The following RNPEP variants were observed in gnomAD, a reference collection of about 807,000 sequenced individuals.
RNPEP encodes arginyl aminopeptidase, also known as aminopeptidase B.
In RNPEP, 57 loss-of-function variants were observed where a neutral mutation model predicts 70.1. The ratio of observed to expected loss-of-function variants is 0.81; its 90% CI spans 0.66 to 1.01. The LOEUF is 1.01. Among genes scored for constraint, RNPEP ranks in the 50% least tolerant of loss-of-function variants. The pLI is 0.00. For missense variants in RNPEP, 787 were observed against 852.4 expected (o/e 0.92, Z 0.96); for synonymous variants, 335 against 357.4 (o/e 0.94, Z 0.71).
chr1:202,004,599 C>T, intron 10 of RNPEP, 103 bp downstream of exon 10: 1 of 1,415,410 alleles, frequency 7.1e-7, no homozygotes, highest in Non-Finnish European at 9.6e-7. Flanking sequence ...TCATCTGAGG[C>T]ACAGAGGGAG....
At chr1:202,005,500 G>C (rs1684020581) in intron 10 of RNPEP, 58 bp from the exon 11 acceptor site, 1 of 1,594,832 alleles carries the variant, frequency 6.3e-7, no homozygotes, top group African/African-American at 1.3e-5. Context: ...GGGGGCAGCA[G>C]GGCTGGACAG....
At chr1:201,985,679 A>C (rs6665072) in intron 1 of RNPEP, among the ~76,000 whole-genome samples, 106,898 of 152,080 alleles carry the variant, frequency 0.7, 37,967 homozygotes, top group Non-Finnish European at 0.75. Flanking sequence ...TTACAATTAA[A>C]CAATGCTGAT....
chr1:202,005,785 T>C lies in RNPEP; in HGVS notation c.*69T>C. ...TTCAGAATAATTGTTTGTTCCCAAA[T>C]TCCTGTTCCCTGATCAACTTCCTGG... On this transcript the variant is annotated 3_prime_UTR_variant, in exon 11 of 11. Coordinates refer to ENST00000295640, the MANE Select transcript of RNPEP (RefSeq NM_020216.4). The C allele has an allele frequency of 6.4e-7, 1 of 1,563,304 alleles. No homozygotes were observed. The highest frequency in any genetic ancestry group is 8.8e-7 in the Non-Finnish European group (1 of 1,137,436).
At chr1:201,990,927 G>A (rs1475196849) in intron 3 of RNPEP, among the ~76,000 whole-genome samples, 1 of 152,144 alleles carries the variant, frequency 6.6e-6, no homozygotes, top group African/African-American at 2.4e-5. Context: ...TGGGAAATGA[G>A]AGAACAATAG....
chr1:201,997,951 C>T (rs1055154130), intron 5 of RNPEP, among the ~76,000 whole-genome samples: 1 of 151,910 alleles, frequency 6.6e-6, no homozygotes, highest in African/African-American at 2.4e-5. Flanking sequence ...TTAGAAGAGA[C>T]GAGGTTTCTC....
intron 4 of RNPEP, chr1:201,996,508 T>TG (rs1571636222): frequency 1.7e-4 from 64 of 369,092 alleles, no homozygotes; most frequent in Middle Eastern, 8.2e-4. Context: ...TGTGTGTGTG[T>TG]TTTGAGATGG....
intron 9 of RNPEP, among the ~76,000 whole-genome samples, chr1:202,003,873 CAG>C (rs1030114579): frequency 3.3e-5 from 5 of 152,170 alleles, no homozygotes; most frequent in African/African-American, 1.2e-4. Context: ...GAGGTACAAA[CAG>C]TTCGCACAGA....
Position 202,001,656 on chromosome 1 carries a change from C to T in RNPEP, c.1318-3C>T, listed in dbSNP as rs773320585. 34 of 1,608,834 alleles carry T rather than the reference C, an allele frequency of 2.1e-5. No individual in the cohort carries two copies. The highest frequency in any genetic ancestry group is 1.6e-4 in the Middle Eastern group (1 of 6,074). On this transcript the variant is annotated splice_region_variant and splice_polypyrimidine_tract_variant and intron_variant, in intron 7 of 10. Coordinates refer to ENST00000295640, the MANE Select transcript of RNPEP (RefSeq NM_020216.4). Reference sequence around the variant, plus strand: ...GGGTCTAAAGAGCTTTCCCTCCTCACAGGCCTATGTGCATGAATTCAAATT... The same window carrying T: ...GGGTCTAAAGAGCTTTCCCTCCTCATAGGCCTATGTGCATGAATTCAAATT...
chr1:202,002,161 TTTTC>T (rs1683847962), intron 8 of RNPEP, among the ~76,000 whole-genome samples: 1 of 138,530 alleles, frequency 7.2e-6, no homozygotes, highest in Admixed American at 7.2e-5. Flanking sequence ...CTTTCTTTTC[TTTTC>T]TTTTTTTTTT....
intron 9 of RNPEP, among the ~76,000 whole-genome samples, chr1:202,003,669 TG>T (rs1412595308): frequency 1.3e-5 from 2 of 152,090 alleles, no homozygotes; most frequent in Admixed American, 6.5e-5. Flanking sequence ...CCACAAGGAA[TG>T]TGCCATCGGG....
chr1:201,989,165 T>G, intron 2 of RNPEP, 121 bp downstream of exon 2: 2 of 1,380,552 alleles, frequency 1.4e-6, no homozygotes, highest in Non-Finnish European at 2.0e-6. Flanking sequence ...TCTGAAAAAT[T>G]GCTTACTTTT....
chr1:201,991,095 C>T (rs1466113780), intron 3 of RNPEP, among the ~76,000 whole-genome samples: 3 of 151,994 alleles, frequency 2.0e-5, no homozygotes, highest in African/African-American at 7.2e-5. Flanking sequence ...TGGGTCACAT[C>T]GTAGGGTCTT....
Position 202,001,724 on chromosome 1 carries a change from A to G in RNPEP, c.1383A>G (p.Glu461=). The G allele has an allele frequency of 6.2e-7, 1 of 1,613,244 alleles. No individual in the cohort carries two copies. Among genetic ancestry groups the G allele is most frequent in the Non-Finnish European group, 8.5e-7 (1 of 1,179,174 alleles). The change falls in exon 8 of 11, where the codon GAA becomes GAG. Residue 461 remains glutamate (E), a synonymous_variant. Transcript: ENST00000295640. ...ATGACTTTCTGGACTTCTACTTGGA[A>G]TATTTCCCTGAGCTTAAGAAAAAGA... ...LADDFLDFYL[E]YFPELKKKRV...
intron 10 of RNPEP, 28 bp downstream of exon 10, chr1:202,004,524 G>T: frequency 6.2e-7 from 1 of 1,610,002 alleles, no homozygotes; most frequent in Non-Finnish European, 8.5e-7. Context: ...CGCTGTTCCC[G>T]AAAGCACACT....
At chr1:201,992,015 C>T (rs940339823) in intron 3 of RNPEP, among the ~76,000 whole-genome samples, 17 of 151,434 alleles carry the variant, frequency 1.1e-4, no homozygotes, top group Non-Finnish European at 2.2e-4. Context: ...GTTTCTTGTG[C>T]CTTTCTCCCT....
At chr1:202,002,029 G>A (rs1683838060) in intron 8 of RNPEP, among the ~76,000 whole-genome samples, 1 of 152,100 alleles carries the variant, frequency 6.6e-6, no homozygotes, top group Non-Finnish European at 1.5e-5. Context: ...AACTTGCCTG[G>A]AGAGCTGCCA....
At position 201,989,412 on chromosome 1, in the gene RNPEP, T is replaced by C. The variant is rs755916056; in HGVS notation, c.618T>C (p.Ser206=). 7 of 1,614,192 alleles carry C rather than the reference T, an allele frequency of 4.3e-6. No individual in the cohort carries two copies. The highest frequency in any genetic ancestry group is 1.7e-5 in the Admixed American group (1 of 60,018). ...CAGATGGCTTCACAGCTGTGATGAG[T>C]GCTAGCACCTGGGAGAAGAGAGGTC... ...EVPDGFTAVM[S]ASTWEKRGPN... is the part of the protein sequence containing the mutation. Residue 206 remains serine (S), a synonymous_variant, in exon 3 of 11, where the codon AGT becomes AGC. Coordinates refer to ENST00000295640, the MANE Select transcript of RNPEP (RefSeq NM_020216.4).
intron 3 of RNPEP, among the ~76,000 whole-genome samples, chr1:201,989,918 C>G (rs969126293): frequency 6.6e-6 from 1 of 151,358 alleles, no homozygotes; most frequent in Non-Finnish European, 1.5e-5. Context: ...GATCTTGGCT[C>G]ACTGCAACCT....
intron 1 of RNPEP, among the ~76,000 whole-genome samples, chr1:201,987,152 C>T (rs1192255505): frequency 6.6e-6 from 1 of 152,114 alleles, no homozygotes; most frequent in East Asian, 1.9e-4. Flanking sequence ...GCATCTGGAG[C>T]CTGCATCTGT....
Sources: allele counts gnomAD v4.1 joint callset (sites outside exome capture counted in the v4.1 genomes callset), GRCh38; gene constraint gnomAD v4.1.1; transcripts MANE v1.5; gene names NCBI Gene and HGNC (gene_info 2026-07-23, HGNC 2026-07-21).